Variants in KHDRBS2 observed in about 807,000 individuals in gnomAD.
KHDRBS2 encodes KH RNA binding domain containing, signal transduction associated 2, also known as KH domain-containing, RNA-binding, signal transduction-associated protein 2.
KHDRBS2 carries 26 observed loss-of-function variants against 44.3 expected under a neutral mutation model. That is an observed-to-expected ratio of 0.59 (90% CI 0.43 to 0.81). KHDRBS2 has a LOEUF of 0.81. Ranked by LOEUF, KHDRBS2 falls within the 40% of genes least tolerant of loss-of-function variation. The pLI is 0.00. For synonymous variants in KHDRBS2, 194 were observed against 151.1 expected, an observed-to-expected ratio of 1.28 and a Z score of -2.08; for missense variants, 476 against 433.1, an observed-to-expected ratio of 1.10 and a Z score of -0.88.
the KHDRBS2 span, among the ~76,000 whole-genome samples, chr6:61,663,841 C>T: frequency 1.3e-5 from 2 of 151,468 alleles, no homozygotes; most frequent in African/African-American, 2.4e-5. Flanking sequence ...ACCTCAACTA[C>T]TATTAAAAAT....
intron 2 of KHDRBS2, among the ~76,000 whole-genome samples, chr6:62,060,057 G>C (rs536228039): frequency 1.3e-5 from 2 of 151,940 alleles, no homozygotes; most frequent in East Asian, 3.9e-4. Context: ...TAAGATGTAT[G>C]AGAAGTTGGG....
rs1803973845 is a variant in KHDRBS2, at chr6:61,901,306, G to A, written c.549C>T (p.Asp183=). ...RELSYLNGSE[D]SGRGRGIRGR... ...CTCTAATACCTCTGCCACGACCAGAGTCCTCTGAGCCATTTAAGTAAGATA... is the reference window on the plus strand; with the variant it reads ...CTCTAATACCTCTGCCACGACCAGAATCCTCTGAGCCATTTAAGTAAGATA... The change falls in exon 5 of 9, where the codon GAC becomes GAT. Residue 183 remains aspartate, a synonymous_variant. Transcript: ENST00000281156. 1 of 1,613,000 alleles carries A rather than the reference G, an allele frequency of 6.2e-7. No homozygotes were observed. Among genetic ancestry groups the A allele is most frequent in the African/African-American group, 1.3e-5 (1 of 74,972 alleles).
In KHDRBS2 at chr6:61,975,889, T is replaced by C. The variant is rs563052030; in HGVS notation, c.483+2177A>G. 1.6e-3 allele frequency among the ~76,000 whole-genome samples: 237 copies of C among 152,194 alleles called. 7 individuals carry two copies. The South Asian group carries it at 0.046, about 29-fold the overall frequency. ...GAAGAGTTTTCTACAAAGCTAACCT[T>C]TAAGCTGACAGCTGGATGCTAAGGA... On this transcript the variant is annotated intron_variant, in intron 4 of 8. Coordinates refer to ENST00000281156, the MANE Select transcript of KHDRBS2 (RefSeq NM_152688.4).
chr6:62,194,120 C>T (rs1410830496), intron 1 of KHDRBS2, among the ~76,000 whole-genome samples: 2 of 151,958 alleles, frequency 1.3e-5, no homozygotes, highest in Admixed American at 6.6e-5. Context: ...ATTTAACTTT[C>T]GTGTCATATC....
intron 6 of KHDRBS2, among the ~76,000 whole-genome samples, chr6:61,874,777 C>G (rs1401749952): frequency 6.6e-6 from 1 of 152,052 alleles, no homozygotes; most frequent in Non-Finnish European, 1.5e-5. Flanking sequence ...ACACCCATCC[C>G]GGTGTCAGTA....
At chr6:62,105,356 T>A (rs1410679779) in intron 2 of KHDRBS2, among the ~76,000 whole-genome samples, 1 of 152,190 alleles carries the variant, frequency 6.6e-6, no homozygotes, top group African/African-American at 2.4e-5. Flanking sequence ...TCAACATTTC[T>A]AAACAAAATT....
At chr6:61,870,302 G>A (rs1443973386) in intron 6 of KHDRBS2, among the ~76,000 whole-genome samples, 3 of 152,138 alleles carry the variant, frequency 2.0e-5, no homozygotes, top group Admixed American at 2.0e-4. Flanking sequence ...CGGAGCCCAC[G>A]CAGCTCAGTA....
At chr6:61,942,099 T>TATA (rs1812247801) in intron 4 of KHDRBS2, among the ~76,000 whole-genome samples, 1 of 132,084 alleles carries the variant, frequency 7.6e-6, no homozygotes, top group South Asian at 2.4e-4. Flanking sequence ...TAGCTAGGAC[T>TATA]ATAAGCACAC....
In KHDRBS2 at chr6:62,161,578, G is replaced by T. The variant is rs1487170413; in HGVS notation, c.219+15607C>A. 1.5e-5 allele frequency among the ~76,000 whole-genome samples: 2 copies of T among 131,294 alleles called. 1 individual carries two copies. Among genetic ancestry groups the T allele is most frequent in the African/African-American group, 5.8e-5 (2 of 34,494 alleles). 86.1% of individuals were successfully genotyped at this position (131,294 alleles called of 152,430 possible). ...TCCGAGAATTTTGGTATTTGCGGGG[G>T]GGGGGGGGGTCCCAGAACAAATCCT... On this transcript the variant is annotated intron_variant, in intron 2 of 8. Coordinates refer to ENST00000281156, the MANE Select transcript of KHDRBS2 (RefSeq NM_152688.4).
chr6:62,075,318 T>C (rs1562798362), intron 2 of KHDRBS2, among the ~76,000 whole-genome samples: 1 of 151,892 alleles, frequency 6.6e-6, no homozygotes, highest in African/African-American at 2.4e-5. Context: ...GAAAATGCCA[T>C]TTATGAAGCA....
intron 2 of KHDRBS2, among the ~76,000 whole-genome samples, chr6:62,148,434 A>C (rs1814395570): frequency 6.6e-6 from 1 of 152,146 alleles, no homozygotes; most frequent in South Asian, 2.1e-4. Context: ...GAACAGATAG[A>C]GTACAATATG....
At chr6:62,167,420 TA>T (rs1473503692) in intron 2 of KHDRBS2, among the ~76,000 whole-genome samples, 1 of 152,036 alleles carries the variant, frequency 6.6e-6, no homozygotes, top group African/African-American at 2.4e-5. Context: ...GGGCATTAAT[TA>T]AAAGGATGGG....
intron 7 of KHDRBS2, among the ~76,000 whole-genome samples, chr6:61,724,262 A>G (rs1773179644): frequency 6.6e-6 from 1 of 152,122 alleles, no homozygotes; most frequent in Non-Finnish European, 1.5e-5. Flanking sequence ...AGACAAGCAA[A>G]TGTGGAGGGA....
At chr6:62,083,562 C>G (rs2127357124) in intron 2 of KHDRBS2, among the ~76,000 whole-genome samples, 1 of 152,200 alleles carries the variant, frequency 6.6e-6, no homozygotes, top group South Asian at 2.1e-4. Flanking sequence ...CTCTGGGGTC[C>G]AGGGGTTTTA....
chr6:62,129,061 C>A (rs1006058046), intron 2 of KHDRBS2, among the ~76,000 whole-genome samples: 5 of 152,138 alleles, frequency 3.3e-5, no homozygotes, highest in Admixed American at 2.6e-4. Flanking sequence ...ACTCAACTGA[C>A]AAATGTGTAT....
chr6:61,918,534 A>C (rs530885628), intron 4 of KHDRBS2, among the ~76,000 whole-genome samples: 15 of 151,978 alleles, frequency 9.9e-5, no homozygotes, highest in Admixed American at 3.9e-4. Flanking sequence ...CCACCATGTA[A>C]AATCACAGTG....
chr6:61,552,163 ATTTG>A, the KHDRBS2 span, among the ~76,000 whole-genome samples: 1 of 151,854 alleles, frequency 6.6e-6, no homozygotes, highest in Admixed American at 6.6e-5. Flanking sequence ...ATATTTTTCT[ATTTG>A]TTTGTGTCAT....
intron 6 of KHDRBS2, among the ~76,000 whole-genome samples, chr6:61,845,381 C>T (rs113020478): frequency 0.016 from 2,277 of 145,376 alleles, 62 homozygotes; most frequent in African/African-American, 0.056. Context: ...ATGATCTTGG[C>T]TCACTGCAAC....
chr6:62,044,200 C>G (rs1400128275), intron 3 of KHDRBS2, among the ~76,000 whole-genome samples: 1 of 151,918 alleles, frequency 6.6e-6, no homozygotes, highest in African/African-American at 2.4e-5. Context: ...CACAGTGGCT[C>G]ACATCTATAA....
Sources: allele counts gnomAD v4.1 joint callset (sites outside exome capture counted in the v4.1 genomes callset), GRCh38; gene constraint gnomAD v4.1.1; transcripts MANE v1.5; gene names NCBI Gene and HGNC (gene_info 2026-07-23, HGNC 2026-07-21).